PCDHA9: variants seen among roughly 807,000 people sequenced by gnomAD.
PCDHA9 encodes protocadherin alpha 9, also known as protocadherin alpha-9.
In PCDHA9, 62 loss-of-function variants were observed where a neutral mutation model predicts 62.0. That is an observed-to-expected ratio of 1.00 (90% CI 0.81 to 1.23). The LOEUF (loss-of-function observed/expected upper bound fraction) is 1.23. PCDHA9 is among the 50% of genes most tolerant of loss of function. The probability of loss-of-function intolerance (pLI) is 0.00; values close to 1 mark genes in which losing one functional copy is unlikely to be tolerated. For missense variants in PCDHA9, 1,205 were observed against 1,249.8 expected (o/e 0.96, Z 0.54); for synonymous variants, 557 against 567.6 (o/e 0.98, Z 0.27).
chr5:140,853,842 C>T lies in PCDHA9; in HGVS notation c.2394+2953C>T. On this transcript the variant is annotated intron_variant, in intron 1 of 3. Coordinates refer to ENST00000532602, the MANE Select transcript of PCDHA9 (RefSeq NM_031857.2). ...TTCTCATACAACCGAAATTTTAGATCCATAGCCCTATTTGATACTTGACAG... is the reference window on the plus strand; with the variant it reads ...TTCTCATACAACCGAAATTTTAGATTCATAGCCCTATTTGATACTTGACAG... 7.1e-6 allele frequency: 7 copies of T among 986,448 alleles called. 1 individual carries two copies. The highest frequency in any genetic ancestry group is 8.6e-6 in the Non-Finnish European group (7 of 818,538). The allele number at this position is 986,448 out of a possible 1,614,324, so 61.1% of individuals were successfully genotyped here. A position where few individuals can be genotyped will look rare whatever the true frequency, so the allele number is the denominator to read the frequency against.
chr5:140,883,740 C>G (rs2059789153), intron 1 of PCDHA9: 1 of 1,613,368 alleles, frequency 6.2e-7, no homozygotes, highest in Non-Finnish European at 8.5e-7. Context: ...GCGCTGGTCT[C>G]CTACTCGCTG....
chr5:140,994,263 C>G (rs1329526022), intron 3 of PCDHA9, among the ~76,000 whole-genome samples: 1 of 152,160 alleles, frequency 6.6e-6, no homozygotes, highest in African/African-American at 2.4e-5. Flanking sequence ...ATAAGGTAAG[C>G]TAGGCTGCCT....
chr5:140,967,156 G>T, intron 1 of PCDHA9: 1 of 1,610,540 alleles, frequency 6.2e-7, no homozygotes, highest in Non-Finnish European at 8.5e-7. Context: ...ACCCCGTGGC[G>T]GTGAGCGCCG....
chr5:140,901,917 T>C (rs776284320), intron 1 of PCDHA9, among the ~76,000 whole-genome samples: 15 of 152,090 alleles, frequency 9.9e-5, no homozygotes, highest in Admixed American at 4.6e-4. Context: ...ATCTTTCACT[T>C]CTTTGGTTAA....
intron 1 of PCDHA9, chr5:140,927,514 G>T: frequency 6.2e-7 from 1 of 1,614,056 alleles, no homozygotes; most frequent in Non-Finnish European, 8.5e-7. Flanking sequence ...AGCTCGGGAC[G>T]GCGGGCTACC....
rs143656335 is a variant in PCDHA9, at chr5:140,968,986, A to G, written c.2395-9963A>G. 244 of 1,614,206 alleles carry G rather than the reference A, an allele frequency of 1.5e-4. No individual in the cohort carries two copies. In the African/African-American group the frequency reaches 3.0e-3, roughly 20 times the overall value. On this transcript the variant is annotated intron_variant, in intron 1 of 3. Transcript: ENST00000532602. ...ACCGCTACACTGCGTATGGCACTGC[A>G]TGCTGTGGAGGCTTCTGTGGAGTAA...
At chr5:140,857,386 C>A in intron 1 of PCDHA9, 2 of 1,598,422 alleles carry the variant, frequency 1.3e-6, no homozygotes, top group Non-Finnish European at 1.7e-6. Flanking sequence ...AGGTGGCCGA[C>A]GTGAACGACA....
At chr5:140,877,631 C>A (rs1220029307) in intron 1 of PCDHA9, 2 of 1,613,768 alleles carry the variant, frequency 1.2e-6, no homozygotes, top group South Asian at 1.1e-5. Flanking sequence ...CTGTACACTG[C>A]GCTGCGTTGC....
Position 140,876,608 on chromosome 5 carries a change from C to T in PCDHA9, c.2394+25719C>T, listed in dbSNP as rs1267902187. On this transcript the variant is annotated intron_variant, in intron 1 of 3. Transcript: ENST00000532602. ...CTGATTAGCGTGTCGGATCGTGACT[C>T]TGGAGCCAATGGACAGGTCATCTGC... The T allele has an allele frequency of 5.0e-6, 8 of 1,614,070 alleles. No individual in the cohort carries two copies. The highest frequency in any genetic ancestry group is 5.9e-6 in the Non-Finnish European group (7 of 1,180,040).
intron 1 of PCDHA9, chr5:140,852,695 T>G: frequency 1.0e-6 from 1 of 976,386 alleles, no homozygotes; most frequent in Non-Finnish European, 1.2e-6. Context: ...GTCTTATACT[T>G]TCAAGTATCT....
Position 140,849,800 on chromosome 5 carries a change from G to A in PCDHA9, c.1305G>A (p.Leu435=). Residue 435 remains leucine (L), a synonymous_variant, in exon 1 of 4, where the codon CTG becomes CTA. Coordinates refer to ENST00000532602, the MANE Select transcript of PCDHA9 (RefSeq NM_031857.2). ...CGCGGGACGGGGGCTCGCCTTCACT[G>A]TGGGCCACGGCCAGGGTGTCTGTGG... is the stretch of plus-strand genomic sequence containing the variant. ...VTARDGGSPS[L]WATARVSVEV... 1 of 1,598,514 alleles carries A rather than the reference G, an allele frequency of 6.3e-7. No homozygotes were observed. Among genetic ancestry groups the A allele is most frequent in the African/African-American group, 1.3e-5 (1 of 74,522 alleles).
intron 1 of PCDHA9, among the ~76,000 whole-genome samples, chr5:140,879,645 G>T (rs1392592069): frequency 2.0e-5 from 3 of 152,228 alleles, no homozygotes; most frequent in Non-Finnish European, 4.4e-5. Flanking sequence ...GCTTCCTGTG[G>T]CTGCTATAAC....
rs185620917 is a variant in PCDHA9 at position 140,854,335 on chromosome 5, G to A, written c.2394+3446G>A. The A allele has an allele frequency of 1.5e-4, 29 of 191,248 alleles. 1 individual carries two copies. Among genetic ancestry groups the A allele is most frequent in the Non-Finnish European group, 2.6e-4 (27 of 105,250 alleles). The allele number at this position is 191,248 out of a possible 1,614,324, so 11.8% of individuals were successfully genotyped here. ...TTGATCAATGGCAAACTTATTTTACGCTCCAGATAGCTAAAACAAACGTTG... is the reference window on the plus strand; with the variant it reads ...TTGATCAATGGCAAACTTATTTTACACTCCAGATAGCTAAAACAAACGTTG... On this transcript the variant is annotated intron_variant, in intron 1 of 3. Coordinates refer to ENST00000532602, the MANE Select transcript of PCDHA9 (RefSeq NM_031857.2).
rs78257345 is a variant in PCDHA9 at position 140,892,116 on chromosome 5, T to C, written c.2394+41227T>C. Among the ~76,000 whole-genome samples the C allele has an allele frequency of 8.0e-3, 1,216 of 152,346 alleles. 6 individuals are homozygous for C. The highest frequency in any genetic ancestry group is 0.019 in the African/African-American group (786 of 41,576). On this transcript the variant is annotated intron_variant, in intron 1 of 3. Transcript: ENST00000532602. ...AACTTTCAAGCTTGGCATTTATATCTGGAACACAATAAGCTCATGGTTTTA... is the reference window on the plus strand; with the variant it reads ...AACTTTCAAGCTTGGCATTTATATCCGGAACACAATAAGCTCATGGTTTTA...
intron 1 of PCDHA9, among the ~76,000 whole-genome samples, chr5:140,976,481 G>A (rs549195125): frequency 6.6e-6 from 1 of 152,160 alleles, no homozygotes; most frequent in South Asian, 2.1e-4. Flanking sequence ...AATCCGGGAG[G>A]CAGAGGTTGC....
chr5:140,881,538 C>CT lies in PCDHA9; in HGVS notation c.2394+30652dup, dbSNP rs1216394306. ...AAATCCCACACATATTGACTGAACA[C>CT]TTTCTTTTGAATATAAATATCTTAT... On this transcript the variant is annotated intron_variant, in intron 1 of 3. Transcript: ENST00000532602. Among the ~76,000 whole-genome samples, 3 of 152,196 alleles carry CT rather than the reference C, an allele frequency of 2.0e-5. No homozygotes were observed. In the East Asian group the frequency reaches 5.8e-4, roughly 29 times the overall value.
intron 1 of PCDHA9, among the ~76,000 whole-genome samples, chr5:140,941,202 C>CTTTCTTTCTTTCTTTCTTTCTTTCTTT (rs1554213921): frequency 8.1e-6 from 1 of 122,708 alleles, no homozygotes; most frequent in Admixed American, 8.6e-5. Context: ...TTTCTTTCTT[C>CTTTCTTTCTTTCTTTCTTTCTTTCTTT]CTTTCTTTCT....
intron 1 of PCDHA9, among the ~76,000 whole-genome samples, chr5:140,908,279 G>T (rs2073895272): frequency 6.6e-6 from 1 of 151,782 alleles, no homozygotes; most frequent in South Asian, 2.1e-4. Flanking sequence ...TGAGGCCATT[G>T]TTGCAAGCTG....
Position 140,856,118 on chromosome 5 carries a change from G to A in PCDHA9, c.2394+5229G>A. On this transcript the variant is annotated intron_variant, in intron 1 of 3. Coordinates refer to ENST00000532602, the MANE Select transcript of PCDHA9 (RefSeq NM_031857.2). ...CTCGCTTCTTCTCCTCGCAGCCTGG[G>A]AGGTGGGGAGCGGCCAGCTCCACTA... 1.3e-6 allele frequency: 2 copies of A among 1,598,234 alleles called. 1 individual carries two copies. The highest frequency in any genetic ancestry group is 2.7e-5 in the African/African-American group (2 of 74,402).
Sources: gnomAD v4.1 joint callset for allele counts (sites outside exome capture counted in the v4.1 genomes callset) on GRCh38, gnomAD v4.1.1 for gene constraint, MANE v1.5 for transcripts, NCBI Gene and HGNC (gene_info 2026-07-23, HGNC 2026-07-21) for gene names.